Variants in HTR2C observed in about 807,000 individuals in gnomAD.
The protein encoded by HTR2C is 5-hydroxytryptamine (serotonin) receptor 2C, G protein-coupled.
A neutral mutation model predicts 21.0 loss-of-function variants in HTR2C; 5 were observed. That is an observed-to-expected ratio of 0.24 (90% CI 0.12 to 0.50). The LOEUF is 0.50. Among genes scored for constraint, HTR2C ranks in the 20% least tolerant of loss-of-function variants. HTR2C has a pLI of 0.98. For missense variants in HTR2C, 271 were observed against 371.2 expected, an observed-to-expected ratio of 0.73 and a Z score of 2.22; for synonymous variants, 150 against 145.3, an observed-to-expected ratio of 1.03 and a Z score of -0.23.
At chrX:114,782,560 A>T (rs2070130729) in intron 4 of HTR2C, among the ~76,000 whole-genome samples, 1 of 110,481 alleles carries the variant, frequency 9.1e-6, no homozygotes, top group Admixed American at 9.7e-5. Flanking sequence ...CCACAAAAAA[A>T]TTAAAAGATT....
chrX:114,587,399 G>C (rs1337849538), intron 1 of HTR2C, among the ~76,000 whole-genome samples: 1 of 111,646 alleles, frequency 9.0e-6, no homozygotes, highest in Non-Finnish European at 1.9e-5. Context: ...TAAAGCATCT[G>C]ATACAGCTTA....
intron 4 of HTR2C, among the ~76,000 whole-genome samples, chrX:114,798,835 A>G (rs1556446032): frequency 1.8e-5 from 2 of 111,419 alleles, no homozygotes; most frequent in African/African-American, 6.5e-5. Context: ...AATCTACCTT[A>G]TATGTCTAAA....
At chrX:114,815,612 C>T (rs2070576996) in intron 4 of HTR2C, among the ~76,000 whole-genome samples, 1 of 111,467 alleles carries the variant, frequency 9.0e-6, no homozygotes, top group Non-Finnish European at 1.9e-5. Flanking sequence ...GACCTCCAAC[C>T]ATCGTGCCTA....
intron 4 of HTR2C, among the ~76,000 whole-genome samples, chrX:114,808,170 A>C (rs782312309): frequency 1.8e-4 from 20 of 110,007 alleles, no homozygotes; most frequent in Admixed American, 5.9e-4. Flanking sequence ...TATCTCCATG[A>C]GTTCAATTGT....
chrX:114,824,771 T>A (rs1438619212), intron 4 of HTR2C, among the ~76,000 whole-genome samples: 1 of 111,931 alleles, frequency 8.9e-6, no homozygotes, highest in Non-Finnish European at 1.9e-5. Context: ...ACAGGCTGAT[T>A]TAGGGTTTGG....
intron 2 of HTR2C, among the ~76,000 whole-genome samples, chrX:114,620,699 C>G (rs1328720142): frequency 9.0e-6 from 1 of 111,528 alleles, no homozygotes; most frequent in African/African-American, 3.3e-5. Flanking sequence ...CGGAATTGCA[C>G]TCGGCTATTT....
At chrX:114,837,308 G>C (rs976873813) in intron 4 of HTR2C, among the ~76,000 whole-genome samples, 12 of 111,348 alleles carry the variant, frequency 1.1e-4, no homozygotes, top group African/African-American at 3.9e-4. Flanking sequence ...AAATACATTT[G>C]GATCTACATT....
intron 1 of HTR2C, among the ~76,000 whole-genome samples, chrX:114,585,033 A>G (rs782561248): frequency 2.7e-3 from 291 of 109,046 alleles, no homozygotes; most frequent in Middle Eastern, 0.019. Context: ...AGGGAAACTG[A>G]ACGCAATGTC....
At chrX:114,827,054 G>A (rs2070684997) in intron 4 of HTR2C, among the ~76,000 whole-genome samples, 1 of 109,873 alleles carries the variant, frequency 9.1e-6, no homozygotes, top group African/African-American at 3.3e-5. Context: ...AAATATACCT[G>A]TATATTATAA....
In HTR2C at chrX:114,591,086, GT is replaced by G. The variant is rs782677763; in HGVS notation, c.-147+6435del. The stretch of plus-strand genomic sequence containing the variant: ...GAGTGATCACGTCATGAATCTATTA[GT>G]TTTTTTTATCTTAATTAAACAGTTA... On this transcript the variant is annotated intron_variant, in intron 1 of 5. Transcript: ENST00000276198. Among the ~76,000 whole-genome samples, 80 of 111,363 alleles carry G rather than the reference GT, an allele frequency of 7.2e-4. 1 individual carries two copies. The highest frequency in any genetic ancestry group is 5.4e-3 in the Admixed American group (57 of 10,474).
intron 2 of HTR2C, among the ~76,000 whole-genome samples, chrX:114,672,949 C>T (rs1164739992): frequency 1.8e-5 from 2 of 111,910 alleles, no homozygotes; most frequent in East Asian, 2.8e-4. Flanking sequence ...GATCTGGAGG[C>T]TCATCTAATT....
At chrX:114,631,844 C>T (rs782150125) in intron 2 of HTR2C, among the ~76,000 whole-genome samples, 2 of 111,309 alleles carry the variant, frequency 1.8e-5, no homozygotes, top group African/African-American at 6.5e-5. Flanking sequence ...CTCAAGTCCC[C>T]ACTAATCTCT....
chrX:114,740,972 A>T (rs954612153), intron 4 of HTR2C, among the ~76,000 whole-genome samples: 19 of 111,697 alleles, frequency 1.7e-4, no homozygotes, highest in African/African-American at 6.2e-4. Context: ...AGGGGGAAGG[A>T]AATAATGAAC....
Position 114,717,135 on chromosome X carries a change from G to C in HTR2C, c.-79-9723G>C, listed in dbSNP as rs185634128. Among the ~76,000 whole-genome samples the C allele has an allele frequency of 5.4e-5, 6 of 110,229 alleles. No individual in the cohort carries two copies. In the Admixed American group the frequency reaches 5.9e-4, roughly 11 times the overall value. On this transcript the variant is annotated intron_variant, in intron 2 of 5. Transcript: ENST00000276198. ...TGCCCTAGCTGGAGTAGAATGATGT[G>C]ATCAGGGCTCACTGCAGCCTCGACC... is the stretch of plus-strand genomic sequence containing the variant.
At chrX:114,727,091 CT>C in intron 3 of HTR2C, 120 bp downstream of exon 3, 2 of 410,496 alleles carry the variant, frequency 4.9e-6, no homozygotes. Flanking sequence ...GCATAAATGG[CT>C]TGCTTCCCAA....
chrX:114,724,127 T>C (rs782337941), intron 2 of HTR2C, among the ~76,000 whole-genome samples: 1 of 105,205 alleles, frequency 9.5e-6, no homozygotes, highest in African/African-American at 3.4e-5. Context: ...GTTAAAGTCC[T>C]CCATTATTAT....
intron 4 of HTR2C, among the ~76,000 whole-genome samples, chrX:114,744,261 A>G (rs989880203): frequency 1.8e-5 from 2 of 109,309 alleles, no homozygotes; most frequent in Admixed American, 2.0e-4. Context: ...GATTTATGGC[A>G]TTAATTACTT....
intron 5 of HTR2C, among the ~76,000 whole-genome samples, chrX:114,850,623 G>A (rs1556468982): frequency 2.7e-5 from 3 of 111,018 alleles, no homozygotes; most frequent in Non-Finnish European, 3.8e-5. Context: ...AGCTATGATC[G>A]TGCTATGACA....
At chrX:114,694,690 G>A (rs1221585367) in intron 2 of HTR2C, among the ~76,000 whole-genome samples, 3 of 109,121 alleles carry the variant, frequency 2.7e-5, no homozygotes, top group South Asian at 3.9e-4. Context: ...ATGGGGCTTC[G>A]TCATGTTGGC....
Sources: gnomAD v4.1 joint callset for allele counts (sites outside exome capture counted in the v4.1 genomes callset) on GRCh38, gnomAD v4.1.1 for gene constraint, MANE v1.5 for transcripts, NCBI Gene and HGNC (gene_info 2026-07-23, HGNC 2026-07-21) for gene names.